Variants in STXBP2 observed in about 807,000 individuals in gnomAD.
The protein encoded by STXBP2 is syntaxin-binding protein 2.
A neutral mutation model predicts 72.2 loss-of-function variants in STXBP2; 47 were observed. The observed-to-expected ratio is 0.65, with a 90% CI of 0.51 to 0.83. STXBP2 has a LOEUF of 0.83. Among genes scored for constraint, STXBP2 ranks in the 40% least tolerant of loss-of-function variants. The pLI is 0.00. For missense variants in STXBP2, 702 were observed against 807.6 expected, an observed-to-expected ratio of 0.87 and a Z score of 1.58; for synonymous variants, 367 against 338.7, an observed-to-expected ratio of 1.08 and a Z score of -0.92.
At chr19:7,637,702 C>T (rs2031608644) in intron 1 of STXBP2, among the ~76,000 whole-genome samples, 1 of 152,160 alleles carries the variant, frequency 6.6e-6, no homozygotes, top group Non-Finnish European at 1.5e-5. Context: ...GGCGTCCAGG[C>T]CTCACCGGCC....
chr19:7,640,260 G>A (rs771628965), intron 4 of STXBP2: 14 of 549,102 alleles, frequency 2.5e-5, no homozygotes, highest in African/African-American at 2.3e-4. Flanking sequence ...GTGCATGTGT[G>A]TATGCGTGTA....
chr19:7,640,675 A>C (rs774525595), intron 4 of STXBP2, 56 bp from the exon 5 acceptor site: 1 of 1,608,314 alleles, frequency 6.2e-7, no homozygotes. Context: ...AGGCCTAGGC[A>C]GCCAATGAGC....
chr19:7,646,142 A>T, intron 15 of STXBP2, 107 bp from the exon 16 acceptor site: 1 of 849,098 alleles, frequency 1.2e-6, no homozygotes, highest in Non-Finnish European at 1.9e-6. Flanking sequence ...CCACTTCCCC[A>T]TCTTTGCCTG....
the STXBP2 span, chr19:7,630,537 G>T: frequency 2.0e-5 from 30 of 1,481,400 alleles, no homozygotes; most frequent in Non-Finnish European, 2.5e-5. Flanking sequence ...ACATTGCTTG[G>T]GGGGAGCTCA....
At chr19:7,647,105 C>T in intron 16 of STXBP2, 57 bp from the exon 17 acceptor site, 9 of 1,588,300 alleles carry the variant, frequency 5.7e-6, no homozygotes, top group Non-Finnish European at 7.7e-6. Context: ...GGGGGGCACT[C>T]CTGACCCCGG....
Position 7,640,799 on chromosome 19 carries a change from C to A in STXBP2, c.315C>A (p.Phe105Leu), listed in dbSNP as rs754858813. ...TCACCTACAAAGCGGCCCATATCTT[C>A]TTCACCGACAGTGAGTGAGGAGAGC... The part of the protein sequence containing the change: ...PTFTYKAAHI[F>L]FTDTCPEPLF... Residue 105 changes from phenylalanine (F) to leucine (L), a missense_variant, in exon 5 of 19, where the codon TTC becomes TTA. By Grantham distance (22) the Phe-to-Leu change is conservative. Coordinates refer to ENST00000221283, the MANE Select transcript of STXBP2 (RefSeq NM_006949.4). The A allele has an allele frequency of 1.9e-6, 3 of 1,614,198 alleles. No individual in the cohort carries two copies. The highest frequency in any genetic ancestry group is 1.1e-5 in the South Asian group (1 of 91,090).
the STXBP2 span, chr19:7,631,507 G>C: frequency 6.5e-7 from 1 of 1,536,106 alleles, no homozygotes; most frequent in African/African-American, 1.4e-5. Context: ...GAGAGGTTAC[G>C]GAAGCGGCGG....
upstream of STXBP2, chr19:7,632,383 C>T (rs2031350349): frequency 1.2e-6 from 2 of 1,613,646 alleles, no homozygotes; most frequent in Non-Finnish European, 1.7e-6. This position sits in a 1 kb window ranked among gnomAD's most constrained non-coding sequence, Gnocchi z 5.2. Context: ...ATCGCCAGAA[C>T]ATCACCTACC....
upstream of STXBP2, chr19:7,632,485 TGA>T (rs774145677): frequency 6.2e-7 from 1 of 1,613,754 alleles, no homozygotes; most frequent in Middle Eastern, 1.6e-4. This position sits in a 1 kb window ranked among gnomAD's most constrained non-coding sequence, Gnocchi z 5.2. Context: ...AGCATGTCCA[TGA>T]GGCTGTCCAT....
chr19:7,634,578 C>T (rs1410018522), upstream of STXBP2, among the ~76,000 whole-genome samples: 1 of 152,218 alleles, frequency 6.6e-6, no homozygotes, highest in Admixed American at 6.5e-5. Flanking sequence ...CTATTTTGCC[C>T]AGGCTAGTCT....
intron 13 of STXBP2, among the ~76,000 whole-genome samples, chr19:7,644,084 T>C (rs1453704712): frequency 0.011 from 1,135 of 105,214 alleles, no homozygotes; most frequent in East Asian, 0.019. Context: ...GGTGGAGCCT[T>C]GGAGAGCTGG....
intron 7 of STXBP2, 54 bp from the exon 8 acceptor site, chr19:7,641,980 C>T: frequency 6.2e-7 from 1 of 1,610,624 alleles, no homozygotes; most frequent in Non-Finnish European, 8.5e-7. Context: ...ACCTTCAAAC[C>T]CATCCTTGAC....
chr19:7,629,852 A>T, the STXBP2 span: 1 of 1,535,102 alleles, frequency 6.5e-7, no homozygotes, highest in East Asian at 2.4e-5. Context: ...GAAGCTGGAG[A>T]TATTTCGGGT....
chr19:7,636,444 C>T (rs907911939), upstream of STXBP2: 2 of 152,138 alleles, frequency 1.3e-5, no homozygotes, highest in African/African-American at 4.8e-5. Flanking sequence ...ATTGTTGGTC[C>T]ACGAGGGTAA....
Position 7,639,705 on chromosome 19 carries a change from T to C in STXBP2, c.170-26T>C. On this transcript the variant is annotated intron_variant, in intron 3 of 18. Transcript: ENST00000221283. ...TGGCCCTGCCTGGATGCCACCCACCTGTGTCCCTTCCTCTGTTCCTACTAG... is the reference window on the plus strand; with the variant it reads ...TGGCCCTGCCTGGATGCCACCCACCCGTGTCCCTTCCTCTGTTCCTACTAG... The C allele has an allele frequency of 3.8e-6, 6 of 1,592,582 alleles. No individual in the cohort carries two copies. In the South Asian group the frequency reaches 5.5e-5, roughly 15 times the overall value.
chr19:7,645,748 GT>G (rs2032108160), intron 15 of STXBP2, among the ~76,000 whole-genome samples: 1 of 150,584 alleles, frequency 6.6e-6, no homozygotes, highest in Non-Finnish European at 1.5e-5. Context: ...GGCCCTGTGC[GT>G]CCCCCTCCAG....
chr19:7,641,207 G>A (rs1568466606), intron 6 of STXBP2: 1 of 644,488 alleles, frequency 1.6e-6, no homozygotes, highest in Non-Finnish European at 2.8e-6. Context: ...CTTAAAAAAA[G>A]AAAAAGAAAG....
At chr19:7,638,516 C>T (rs183353978) in intron 1 of STXBP2, among the ~76,000 whole-genome samples, 23 of 151,904 alleles carry the variant, frequency 1.5e-4, no homozygotes, top group Admixed American at 8.5e-4. Context: ...GCAAGAGGAT[C>T]GCTGGAGCCC....
Position 7,640,387 on chromosome 19 carries a change from T to C in STXBP2, c.247-344T>C, listed in dbSNP as rs765721022. 5.2e-6 allele frequency: 3 copies of C among 572,992 alleles called. 1 individual carries two copies. The highest frequency in any genetic ancestry group is 4.8e-5 in the South Asian group (3 of 62,816). 35.5% of individuals were successfully genotyped at this position (572,992 alleles called of 1,614,324 possible). A position where few individuals can be genotyped will look rare whatever the true frequency, so the allele number is the denominator to read the frequency against. On this transcript the variant is annotated intron_variant, in intron 4 of 18. Coordinates refer to ENST00000221283, the MANE Select transcript of STXBP2 (RefSeq NM_006949.4). ...GTATGCGTGTGTGTGCGCATCAGTG[T>C]CTGCATGTGTGTATATGTGTGTATG...
Sources: gnomAD v4.1 joint callset for allele counts (sites outside exome capture counted in the v4.1 genomes callset) on GRCh38, gnomAD v4.1.1 for gene constraint, Gnocchi (gnomAD v3.1) non-coding constraint, MANE v1.5 for transcripts, NCBI Gene and HGNC (gene_info 2026-07-23, HGNC 2026-07-21) for gene names.